SGK1: variants seen among roughly 807,000 people sequenced by gnomAD.
SGK1 encodes the protein serine/threonine-protein kinase Sgk1.
In SGK1, 26 loss-of-function variants were observed where a neutral mutation model predicts 64.2. That is an observed-to-expected ratio of 0.40 (90% CI 0.30 to 0.56). SGK1 has a LOEUF of 0.56. Among genes scored for constraint, SGK1 ranks in the 20% least tolerant of loss-of-function variants. SGK1 has a pLI of 0.38. For missense variants in SGK1, 519 were observed against 645.6 expected (o/e 0.80, Z 2.12); for synonymous variants, 265 against 239.7 (o/e 1.11, Z -0.98).
chr6:134,206,352 TATATATATATATATATATA>T (rs1562250172), intron 3 of SGK1, among the ~76,000 whole-genome samples: 2 of 10,162 alleles, frequency 2.0e-4, no homozygotes, highest in Admixed American at 9.1e-4. Context: ...TATATATATA[TATATATATATATATATATA>T]TATATATATA....
chr6:134,200,544 G>A lies in SGK1; in HGVS notation c.361+6812C>T, dbSNP rs1018617854. ...ATTCCTTAATTCTTCACAAAATCAT[G>A]TTTTTATTTAACTTCTATTTCTATC... On this transcript the variant is annotated intron_variant, in intron 3 of 13. Transcript: ENST00000367858. 3.9e-5 allele frequency among the ~76,000 whole-genome samples: 6 copies of A among 152,154 alleles called. No individual in the cohort carries two copies. The South Asian group carries it at 1.2e-3, about 32-fold the overall frequency.
Position 134,173,347 on chromosome 6 carries a change from G to A in SGK1, c.629C>T (p.Ala210Val), listed in dbSNP as rs774371346. ...GKGSFGKVLL[A>V]RHKAEEVFYA... ...GAACACTTCTTCTGCCTTGTGTCTT[G>A]CTAGAAGAACCTGAAATTTCAATTT... The change falls in exon 7 of 14, where the codon GCA becomes GTA. Residue 210 changes from alanine (A) to valine (V), a missense_variant. Physicochemically the swap from Ala to Val is moderately conservative, Grantham distance 64 (BLOSUM62 0). This residue lies in a region of SGK1 where 278 missense variants were observed against 408.7 expected (regional missense o/e 0.68). Coordinates refer to ENST00000367858, the MANE Select transcript of SGK1 (RefSeq NM_001143676.3). 13 of 1,612,190 alleles carry A rather than the reference G, an allele frequency of 8.1e-6. No homozygotes were observed. Among genetic ancestry groups the A allele is most frequent in the Non-Finnish European group, 1.7e-6 (2 of 1,178,754 alleles).
intron 1 of SGK1, among the ~76,000 whole-genome samples, chr6:134,275,967 C>G (rs1195089039): frequency 6.6e-6 from 1 of 152,148 alleles, no homozygotes; most frequent in African/African-American, 2.4e-5. Context: ...GTGTATTTCC[C>G]TTATTAGAAT....
chr6:134,277,215 G>A (rs182512251), intron 1 of SGK1, among the ~76,000 whole-genome samples: 21 of 151,848 alleles, frequency 1.4e-4, no homozygotes, highest in African/African-American at 4.1e-4. Flanking sequence ...CCAGCTACTC[G>A]GGAGGCTGAG....
At chr6:134,174,644 CCA>C (rs746641168) in intron 3 of SGK1, 58 bp from the exon 4 acceptor site, 7 of 1,603,660 alleles carry the variant, frequency 4.4e-6, no homozygotes, top group Non-Finnish European at 6.0e-6. Context: ...ACGTCCGGCG[CCA>C]CACACACTAA....
intron 2 of SGK1, among the ~76,000 whole-genome samples, chr6:134,209,531 G>T (rs569259112): frequency 2.0e-5 from 3 of 152,152 alleles, no homozygotes; most frequent in African/African-American, 7.2e-5. Context: ...ATTTTGTAAT[G>T]TGATCATTTG....
chr6:134,235,637 G>T (rs1776351668), intron 2 of SGK1, among the ~76,000 whole-genome samples: 1 of 151,592 alleles, frequency 6.6e-6, no homozygotes, highest in Non-Finnish European at 1.5e-5. Flanking sequence ...AATGGCACGA[G>T]CTCGGCTCAC....
intron 4 of SGK1, 24 bp downstream of exon 4, chr6:134,174,487 T>G (rs538733263): frequency 1.3e-6 from 2 of 1,579,452 alleles, no homozygotes; most frequent in East Asian, 2.2e-5. Context: ...TACTAGTTAT[T>G]TCCTCAAATC....
intron 2 of SGK1, among the ~76,000 whole-genome samples, chr6:134,252,480 G>A (rs546927047): frequency 7.9e-5 from 12 of 152,130 alleles, no homozygotes; most frequent in Non-Finnish European, 1.5e-4. Flanking sequence ...TTCAGCTAAC[G>A]TAGACATTCT....
chr6:134,177,182 C>G lies in SGK1; in HGVS notation c.362-2596G>C, dbSNP rs1003072008. Reference sequence around the variant, plus strand: ...TGAGCCGAGATCACGCCACTGCACTCCAGCCTGGCAACAGAGCGAGACTCC... The same window carrying G: ...TGAGCCGAGATCACGCCACTGCACTGCAGCCTGGCAACAGAGCGAGACTCC... On this transcript the variant is annotated intron_variant, in intron 3 of 13. Coordinates refer to ENST00000367858, the MANE Select transcript of SGK1 (RefSeq NM_001143676.3). 2.0e-5 allele frequency among the ~76,000 whole-genome samples: 3 copies of G among 152,264 alleles called. No homozygotes were observed. The South Asian group carries it at 6.2e-4, about 32-fold the overall frequency.
chr6:134,182,563 TATG>T (rs1281790892), intron 3 of SGK1, among the ~76,000 whole-genome samples: 1 of 150,568 alleles, frequency 6.6e-6, no homozygotes, highest in African/African-American at 2.4e-5. Context: ...AAGTAGAAAA[TATG>T]ATCTGTGTAT....
rs368409141 is a variant in SGK1 at position 134,242,979 on chromosome 6, T to C, written c.285+18954A>G. 1.6e-4 allele frequency among the ~76,000 whole-genome samples: 24 copies of C among 152,116 alleles called. 2 individuals carry two copies. The highest frequency in any genetic ancestry group is 1.2e-3 in the Admixed American group (18 of 15,290). On this transcript the variant is annotated intron_variant, in intron 2 of 13. Coordinates refer to ENST00000367858, the MANE Select transcript of SGK1 (RefSeq NM_001143676.3). ...CTTATGCCTTTGGTTATAGAAAATA[T>C]AGAATCAATGATAATGAATTAATAA...
chr6:134,178,770 T>C (rs1775287930), intron 3 of SGK1, among the ~76,000 whole-genome samples: 2 of 152,168 alleles, frequency 1.3e-5, no homozygotes, highest in South Asian at 4.1e-4. Context: ...TGTGCAGTCA[T>C]AGAAAATATA....
At chr6:134,296,792 A>C (rs868354986) in intron 1 of SGK1, among the ~76,000 whole-genome samples, 3 of 151,000 alleles carry the variant, frequency 2.0e-5, no homozygotes, top group Admixed American at 6.6e-5. Context: ...AAAAAAAAAA[A>C]AAAAAACAGT....
chr6:134,308,867 T>A (rs1777571954), intron 1 of SGK1, among the ~76,000 whole-genome samples: 1 of 152,186 alleles, frequency 6.6e-6, no homozygotes, highest in Non-Finnish European at 1.5e-5. Context: ...AGCCTAGGAA[T>A]ATTTCACTTC....
At chr6:134,201,419 T>C (rs1160939266) in intron 3 of SGK1, among the ~76,000 whole-genome samples, 1 of 151,612 alleles carries the variant, frequency 6.6e-6, no homozygotes, top group African/African-American at 2.4e-5. Context: ...TGGAGTACAG[T>C]GGCCCAATCT....
intron 4 of SGK1, 173 bp downstream of exon 4, chr6:134,174,338 C>A: frequency 1.6e-6 from 1 of 620,648 alleles, no homozygotes; most frequent in Non-Finnish European, 2.8e-6. Flanking sequence ...CAAGCCAAAT[C>A]AGCAAATTAA....
chr6:134,226,256 C>G (rs1034137469), intron 2 of SGK1, among the ~76,000 whole-genome samples: 1 of 152,134 alleles, frequency 6.6e-6, no homozygotes, highest in Non-Finnish European at 1.5e-5. Context: ...AGAAAGTAAG[C>G]ATAAACTGTT....
chr6:134,173,427 G>T (rs376033941), intron 6 of SGK1, 35 bp downstream of exon 6: 3 of 1,576,374 alleles, frequency 1.9e-6, no homozygotes, highest in Non-Finnish European at 2.6e-6. Flanking sequence ...GGACATGAAG[G>T]AAGTGTACCA....
Sources: gnomAD v4.1 joint callset for allele counts (sites outside exome capture counted in the v4.1 genomes callset) on GRCh38, gnomAD v4.1.1 for gene constraint, gnomAD v4.1.1 regional missense constraint, MANE v1.5 for transcripts, NCBI Gene and HGNC (gene_info 2026-07-23, HGNC 2026-07-21) for gene names.